ARHGAP26: variants seen among roughly 807,000 people sequenced by gnomAD.
ARHGAP26 encodes the protein Rho GTPase activating protein 26.
In ARHGAP26, 38 loss-of-function variants were observed where a neutral mutation model predicts 104.8. The ratio of observed to expected loss-of-function variants is 0.36; its 90% CI spans 0.28 to 0.48. The LOEUF (loss-of-function observed/expected upper bound fraction) is 0.48. Among genes scored for constraint, ARHGAP26 ranks in the 20% least tolerant of loss-of-function variants. ARHGAP26 has a pLI of 0.99. For missense variants in ARHGAP26, 704 were observed against 947.9 expected (o/e 0.74, Z 3.38); for synonymous variants, 341 against 340.0 (o/e 1.00, Z -0.03).
intron 1 of ARHGAP26, among the ~76,000 whole-genome samples, chr5:142,824,883 A>G (rs756450053): frequency 1.3e-5 from 2 of 152,222 alleles, no homozygotes; most frequent in East Asian, 1.9e-4. Flanking sequence ...GAATCTGGCA[A>G]ATGTTAAATA....
At chr5:142,948,512 G>T (rs1272636176) in intron 11 of ARHGAP26, among the ~76,000 whole-genome samples, 4 of 151,806 alleles carry the variant, frequency 2.6e-5, no homozygotes, top group Non-Finnish European at 5.9e-5. Context: ...GTTCCTGGTG[G>T]TTGTGTTGCC....
intron 11 of ARHGAP26, among the ~76,000 whole-genome samples, chr5:143,008,786 C>T (rs1778351543): frequency 1.3e-5 from 2 of 152,074 alleles, no homozygotes; most frequent in Non-Finnish European, 2.9e-5. Flanking sequence ...AAAAACAAGC[C>T]TCTCTGTTTT....
intron 1 of ARHGAP26, among the ~76,000 whole-genome samples, chr5:142,773,440 C>T (rs1755658050): frequency 1.3e-5 from 2 of 152,106 alleles, no homozygotes; most frequent in Non-Finnish European, 2.9e-5. Flanking sequence ...TAAAACTGTC[C>T]TCTAGGGATT....
intron 1 of ARHGAP26, among the ~76,000 whole-genome samples, chr5:142,833,538 G>A (rs1768943337): frequency 6.6e-6 from 1 of 151,722 alleles, no homozygotes; most frequent in Non-Finnish European, 1.5e-5. Context: ...GGACATTTTT[G>A]TATGTACTTT....
intron 11 of ARHGAP26, among the ~76,000 whole-genome samples, chr5:142,934,724 C>A (rs1420750933): frequency 6.7e-6 from 1 of 148,674 alleles, no homozygotes; most frequent in African/African-American, 2.5e-5. Flanking sequence ...TTTTATACTT[C>A]TATCTCAGTT....
At chr5:143,162,819 C>T (rs1449669297) in intron 20 of ARHGAP26, among the ~76,000 whole-genome samples, 1 of 152,200 alleles carries the variant, frequency 6.6e-6, no homozygotes, top group African/African-American at 2.4e-5. Flanking sequence ...AGTGAGCAAA[C>T]ACGCATTGAA....
At chr5:142,978,785 A>G (rs1773507466) in intron 11 of ARHGAP26, among the ~76,000 whole-genome samples, 1 of 146,728 alleles carries the variant, frequency 6.8e-6, no homozygotes, top group South Asian at 2.1e-4. Context: ...GAAAATTTTC[A>G]AGATAAAAAA....
chr5:142,900,149 C>T (rs1598151728), intron 6 of ARHGAP26, among the ~76,000 whole-genome samples: 1 of 152,182 alleles, frequency 6.6e-6, no homozygotes, highest in East Asian at 1.9e-4. Flanking sequence ...AATGCTGGGA[C>T]TCGGTTTGGC....
intron 9 of ARHGAP26, among the ~76,000 whole-genome samples, chr5:142,909,862 T>G (rs1179008853): frequency 2.0e-5 from 3 of 152,222 alleles, no homozygotes; most frequent in African/African-American, 7.2e-5. Context: ...TATCTTGGGC[T>G]TTCTCAGACT....
chr5:142,877,674 G>A (rs1198992206), intron 3 of ARHGAP26, among the ~76,000 whole-genome samples: 2 of 152,148 alleles, frequency 1.3e-5, no homozygotes, highest in South Asian at 2.1e-4. Flanking sequence ...TTTTATAAGC[G>A]ACTACTTATG....
rs533674445 is a variant in ARHGAP26 at position 143,226,011 on chromosome 5, G to A, written c.*3565G>A. ...GAACAGGAAACTTTAGGGCAGATGA[G>A]GAGAATGAATTGGTTATCAGAGTGG... On this transcript the variant is annotated 3_prime_UTR_variant, in exon 23 of 23. Coordinates refer to ENST00000645722, the MANE Select transcript of ARHGAP26 (RefSeq NM_001135608.3). The A allele has an allele frequency of 2.7e-4, 58 of 215,346 alleles. No homozygotes were observed. Among genetic ancestry groups the A allele is most frequent in the Non-Finnish European group, 4.4e-4 (47 of 106,514 alleles). 13.3% of individuals were successfully genotyped at this position (215,346 alleles called of 1,614,324 possible).
At chr5:143,034,231 C>T (rs746910350) in intron 12 of ARHGAP26, among the ~76,000 whole-genome samples, 5 of 152,106 alleles carry the variant, frequency 3.3e-5, no homozygotes, top group East Asian at 1.9e-4. Flanking sequence ...TGTGACCCAG[C>T]GATGCCACTC....
At chr5:143,006,912 C>G (rs1249687271) in intron 11 of ARHGAP26, among the ~76,000 whole-genome samples, 1 of 152,162 alleles carries the variant, frequency 6.6e-6, no homozygotes, top group Non-Finnish European at 1.5e-5. Flanking sequence ...GGGTGTCTTA[C>G]AGTAACTTCT....
chr5:143,049,168 TTACTG>T (rs1250133970), intron 14 of ARHGAP26, among the ~76,000 whole-genome samples: 3 of 152,136 alleles, frequency 2.0e-5, no homozygotes, highest in African/African-American at 2.4e-5. Flanking sequence ...ACAAATCTCT[TTACTG>T]TATGTTTTTC....
chr5:142,831,158 C>T (rs1295041298), intron 1 of ARHGAP26, among the ~76,000 whole-genome samples: 1 of 152,192 alleles, frequency 6.6e-6, no homozygotes, highest in Non-Finnish European at 1.5e-5. Flanking sequence ...TTTGCTGTCT[C>T]CACCCTGTTG....
intron 11 of ARHGAP26, among the ~76,000 whole-genome samples, chr5:142,994,589 G>A (rs1776118185): frequency 6.6e-6 from 1 of 152,174 alleles, no homozygotes; most frequent in Non-Finnish European, 1.5e-5. Flanking sequence ...TGGGACTGTT[G>A]GGACTGAAGA....
chr5:143,222,658 A>G lies in ARHGAP26; in HGVS notation c.*212A>G, dbSNP rs1479066894. On this transcript the variant is annotated 3_prime_UTR_variant, in exon 23 of 23. Coordinates refer to ENST00000645722, the MANE Select transcript of ARHGAP26 (RefSeq NM_001135608.3). Reference sequence around the variant, plus strand: ...ATCAGTACTGCAAGAAAAGAAGTCAATCAGCAGAGGAGAGCATTTGATAAC... The same window carrying G: ...ATCAGTACTGCAAGAAAAGAAGTCAGTCAGCAGAGGAGAGCATTTGATAAC... The G allele has an allele frequency of 1.0e-5, 4 of 399,520 alleles. No homozygotes were observed. Among genetic ancestry groups the G allele is most frequent in the Non-Finnish European group, 1.8e-5 (4 of 223,196 alleles). 24.7% of individuals were successfully genotyped at this position (399,520 alleles called of 1,614,324 possible).
At chr5:142,777,775 G>A (rs535973428) in intron 1 of ARHGAP26, among the ~76,000 whole-genome samples, 12 of 152,228 alleles carry the variant, frequency 7.9e-5, no homozygotes, top group Admixed American at 2.6e-4. Flanking sequence ...GGCCAGTGGC[G>A]CGGCCAGTTG....
intron 10 of ARHGAP26, among the ~76,000 whole-genome samples, chr5:142,926,599 TGCGTTACTCAGGAGG>T (rs1763939337): frequency 6.6e-6 from 1 of 152,178 alleles, no homozygotes; most frequent in African/African-American, 2.4e-5. Context: ...GCCACTTTGT[TGCGTTACTCAGGAGG>T]AGAAAGGAAA....
Sources: allele counts gnomAD v4.1 joint callset (sites outside exome capture counted in the v4.1 genomes callset), GRCh38; gene constraint gnomAD v4.1.1; transcripts MANE v1.5; gene names NCBI Gene and HGNC (gene_info 2026-07-23, HGNC 2026-07-21).